SCN4B: variants seen among roughly 807,000 people sequenced by gnomAD.
The protein encoded by SCN4B is sodium channel regulatory subunit beta-4.
Under a neutral mutation model 19.6 loss-of-function variants are expected in SCN4B, and 20 were observed. That is an observed-to-expected ratio of 1.02 (90% CI 0.72 to 1.48). The LOEUF (loss-of-function observed/expected upper bound fraction) is 1.48, where lower values mean the gene tolerates loss of function less well. Among genes scored for constraint, SCN4B ranks in the 40% most tolerant of loss-of-function variants. The pLI is 0.00. For missense variants in SCN4B, 271 were observed against 287.5 expected (o/e 0.94, Z 0.42); for synonymous variants, 127 against 122.8 (o/e 1.03, Z -0.22).
At chr11:118,138,020 T>G (rs149033035) in intron 4 of SCN4B, among the ~76,000 whole-genome samples, 12 of 152,152 alleles carry the variant, frequency 7.9e-5, no homozygotes, top group Non-Finnish European at 1.5e-4. Flanking sequence ...GATGGTGAGA[T>G]GGGAAGACAC....
intron 1 of SCN4B, among the ~76,000 whole-genome samples, chr11:118,149,900 C>T (rs754608031): frequency 1.2e-4 from 18 of 152,188 alleles, no homozygotes; most frequent in Non-Finnish European, 2.5e-4. Flanking sequence ...GCACCTCCAG[C>T]AGGTTCAGAA....
chr11:118,139,757 T>C (rs953322182), intron 4 of SCN4B, among the ~76,000 whole-genome samples: 5 of 152,186 alleles, frequency 3.3e-5, no homozygotes, highest in South Asian at 2.1e-4. Context: ...AAATAATAAT[T>C]ATGGGTAGTG....
chr11:118,145,717 C>T (rs933741904), intron 1 of SCN4B: 9 of 298,180 alleles, frequency 3.0e-5, no homozygotes, highest in South Asian at 6.2e-5. Context: ...AGCCGGGTCC[C>T]GTAAGGTGAA....
At position 118,135,491 on chromosome 11, in the gene SCN4B, G is replaced by C. The variant is rs933564883; in HGVS notation, c.*1536C>G. The C allele has an allele frequency of 2.2e-6, 1 of 454,086 alleles. No individual in the cohort carries two copies. Among genetic ancestry groups the C allele is most frequent in the Non-Finnish European group, 4.4e-6 (1 of 226,784 alleles). 28.1% of individuals were successfully genotyped at this position (454,086 alleles called of 1,614,324 possible). A position where few individuals can be genotyped will look rare whatever the true frequency, so the allele number is the denominator to read the frequency against. On this transcript the variant is annotated 3_prime_UTR_variant, in exon 5 of 5. Transcript: ENST00000324727. ...TGGAAGTAGATGGGCAGAGAGGCTTGTTACCACTTTTCCCTGCCATCCCTG... is the reference window on the plus strand; with the variant it reads ...TGGAAGTAGATGGGCAGAGAGGCTTCTTACCACTTTTCCCTGCCATCCCTG...
chr11:118,138,882 G>A (rs1948059395), intron 4 of SCN4B, among the ~76,000 whole-genome samples: 2 of 152,092 alleles, frequency 1.3e-5, no homozygotes, highest in African/African-American at 4.8e-5. Flanking sequence ...ATGGTGAGAT[G>A]TTGTCCAGTA....
At chr11:118,139,542 G>GCACCGTGCCTTGCA (rs1555096772) in intron 4 of SCN4B, among the ~76,000 whole-genome samples, 1 of 151,754 alleles carries the variant, frequency 6.6e-6, no homozygotes, top group Admixed American at 6.6e-5. Context: ...ATAGCATCTG[G>GCACCGTGCCTTGCA]CACAGTGCCT....
chr11:118,138,611 G>A (rs907856719), intron 4 of SCN4B, among the ~76,000 whole-genome samples: 3 of 152,104 alleles, frequency 2.0e-5, no homozygotes, highest in African/African-American at 7.2e-5. Flanking sequence ...AACCTACTGG[G>A]TACCAGGCAC....
At chr11:118,150,095 C>T (rs1429476426) in intron 1 of SCN4B, among the ~76,000 whole-genome samples, 2 of 152,088 alleles carry the variant, frequency 1.3e-5, no homozygotes, top group African/African-American at 4.8e-5. Context: ...TAAATACACA[C>T]CAGGGGAAAC....
At chr11:118,137,490 G>A (rs1170593533) in intron 4 of SCN4B, among the ~76,000 whole-genome samples, 3 of 152,080 alleles carry the variant, frequency 2.0e-5, no homozygotes, top group South Asian at 4.2e-4. Context: ...GGCCAACATG[G>A]CAAAACCCCA....
chr11:118,147,241 A>G (rs1222397141), intron 1 of SCN4B, among the ~76,000 whole-genome samples: 1 of 152,226 alleles, frequency 6.6e-6, no homozygotes, highest in African/African-American at 2.4e-5. Context: ...GATGAAACTG[A>G]GGCTCAGAGA....
intron 2 of SCN4B, 99 bp from the exon 3 acceptor site, chr11:118,144,160 C>G (rs1045413969): frequency 1.2e-6 from 1 of 805,264 alleles, no homozygotes; most frequent in Non-Finnish European, 2.2e-6. Flanking sequence ...GGATGCCTCC[C>G]CTGTCCAGGA....
Position 118,134,014 on chromosome 11 carries a change from C to A in SCN4B, c.*3013G>T. ...GCCATGCACCCACACTGCCTGCACA[C>A]GCACACTCCACACAAGCACACCCCA... is the stretch of plus-strand genomic sequence containing the variant. On this transcript the variant is annotated 3_prime_UTR_variant, in exon 5 of 5. Transcript: ENST00000324727. 1 of 454,782 alleles carries A rather than the reference C, an allele frequency of 2.2e-6. No homozygotes were observed. The highest frequency in any genetic ancestry group is 1.6e-5 in the South Asian group (1 of 64,476). The allele number at this position is 454,782 out of a possible 1,614,324, so 28.2% of individuals were successfully genotyped here. A position where few individuals can be genotyped will look rare whatever the true frequency, so the allele number is the denominator to read the frequency against.
Position 118,134,244 on chromosome 11 carries a change from G to A in SCN4B, c.*2783C>T, listed in dbSNP as rs1242119826. 2.2e-6 allele frequency: 1 copy of A among 454,008 alleles called. No individual in the cohort carries two copies. The highest frequency in any genetic ancestry group is 4.4e-6 in the Non-Finnish European group (1 of 226,814). The allele number at this position is 454,008 out of a possible 1,614,324, so 28.1% of individuals were successfully genotyped here. ...TGATTTCATATTTTGTAGTTGATGA[G>A]GAGCTCAGAACTTTGTCTTTAGTCT... On this transcript the variant is annotated 3_prime_UTR_variant, in exon 5 of 5. Coordinates refer to ENST00000324727, the MANE Select transcript of SCN4B (RefSeq NM_174934.4).
Position 118,133,517 on chromosome 11 carries a change from T to G in SCN4B, c.*3510A>C. 1 of 454,252 alleles carries G rather than the reference T, an allele frequency of 2.2e-6. No individual in the cohort carries two copies. The highest frequency in any genetic ancestry group is 4.4e-6 in the Non-Finnish European group (1 of 226,794). 28.1% of individuals were successfully genotyped at this position (454,252 alleles called of 1,614,324 possible). A position where few individuals can be genotyped will look rare whatever the true frequency, so the allele number is the denominator to read the frequency against. ...TGCTGGCTGTGTGGGCATCTGCGCC[T>G]CCCAGAGGCACTCGCACACCTGAGG... On this transcript the variant is annotated 3_prime_UTR_variant, in exon 5 of 5. Transcript: ENST00000324727.
intron 1 of SCN4B, among the ~76,000 whole-genome samples, chr11:118,149,352 C>A (rs1282369523): frequency 6.6e-6 from 1 of 152,116 alleles, no homozygotes; most frequent in African/African-American, 2.4e-5. Flanking sequence ...AGTGGACACA[C>A]GGCTGACTTT....
chr11:118,139,797 TATGGTAG>T (rs1428677855), intron 4 of SCN4B, among the ~76,000 whole-genome samples: 2 of 152,118 alleles, frequency 1.3e-5, no homozygotes. Context: ...ATTCCTAACA[TATGGTAG>T]GCATTTGATG....
intron 4 of SCN4B, among the ~76,000 whole-genome samples, chr11:118,137,562 T>C (rs1948034065): frequency 6.6e-6 from 1 of 152,080 alleles, no homozygotes; most frequent in Admixed American, 6.5e-5. Flanking sequence ...TCCCAGCTAC[T>C]AGGGAGGCTG....
In SCN4B at chr11:118,136,377, G is replaced by T. The variant is rs1038278741; in HGVS notation, c.*650C>A. ...GGTGGCCAGGAACCCTCAAGACCAG[G>T]GTGGCCAGCCCTGGTTGAGAGGGCT... On this transcript the variant is annotated 3_prime_UTR_variant, in exon 5 of 5. Transcript: ENST00000324727. 1 of 453,764 alleles carries T rather than the reference G, an allele frequency of 2.2e-6. No homozygotes were observed. The highest frequency in any genetic ancestry group is 2.0e-5 in the African/African-American group (1 of 49,920). 28.1% of individuals were successfully genotyped at this position (453,764 alleles called of 1,614,324 possible). A position where few individuals can be genotyped will look rare whatever the true frequency, so the allele number is the denominator to read the frequency against.
intron 1 of SCN4B, chr11:118,145,600 CGCGCAGG>C (rs1948162778): frequency 1.8e-6 from 1 of 553,522 alleles, no homozygotes; most frequent in Non-Finnish European, 2.8e-6. Flanking sequence ...CACTCCAGGA[CGCGCAGG>C]GCGGGCTCCC....
Sources: gnomAD v4.1 joint callset for allele counts (sites outside exome capture counted in the v4.1 genomes callset) on GRCh38, gnomAD v4.1.1 for gene constraint, MANE v1.5 for transcripts, NCBI Gene and HGNC (gene_info 2026-07-23, HGNC 2026-07-21) for gene names.